The following ZMIZ1 variants were observed in gnomAD, a reference collection of about 807,000 sequenced individuals.
The protein encoded by ZMIZ1 is zinc finger MIZ domain-containing protein 1.
Under a neutral mutation model 113.9 loss-of-function variants are expected in ZMIZ1, and 17 were observed. The ratio of observed to expected loss-of-function variants is 0.15; its 90% CI spans 0.10 to 0.22. ZMIZ1 has a LOEUF of 0.22. Ranked by LOEUF, ZMIZ1 falls within the 10% of genes least tolerant of loss-of-function variation. ZMIZ1 has a pLI of 1.00. For missense variants in ZMIZ1, 1,059 were observed against 1,477.8 expected (o/e 0.72, Z 4.65); for synonymous variants, 607 against 603.1 (o/e 1.01, Z -0.09).
chr10:79,263,118 A>G (rs1157677838), intron 7 of ZMIZ1, among the ~76,000 whole-genome samples: 1 of 152,236 alleles, frequency 6.6e-6, no homozygotes, highest in Non-Finnish European at 1.5e-5. Context: ...CGTAAGTACC[A>G]CTGCATGCGC....
intron 7 of ZMIZ1, among the ~76,000 whole-genome samples, chr10:79,257,682 C>G (rs1390709563): frequency 2.0e-5 from 3 of 152,368 alleles, no homozygotes; most frequent in Non-Finnish European, 2.9e-5. Context: ...TCCCCAGGCC[C>G]CATCCTGGAG....
At chr10:79,153,551 C>T (rs1845786579) in intron 3 of ZMIZ1, among the ~76,000 whole-genome samples, 1 of 152,262 alleles carries the variant, frequency 6.6e-6, no homozygotes, top group Non-Finnish European at 1.5e-5. Context: ...AGCAGGTCCC[C>T]TGCAGACCAC....
intron 7 of ZMIZ1, among the ~76,000 whole-genome samples, chr10:79,273,415 G>T (rs1013211048): frequency 6.6e-6 from 1 of 152,112 alleles, no homozygotes; most frequent in East Asian, 1.9e-4. Flanking sequence ...AGGCTGGAGG[G>T]CAGTGACGCG....
At chr10:79,111,082 A>G (rs1843721167) in intron 1 of ZMIZ1, among the ~76,000 whole-genome samples, 1 of 152,196 alleles carries the variant, frequency 6.6e-6, no homozygotes, top group African/African-American at 2.4e-5. Context: ...GCCCCTGTGC[A>G]TAGAGCCCAT....
At chr10:79,272,303 T>C (rs773886819) in intron 7 of ZMIZ1, among the ~76,000 whole-genome samples, 4 of 151,144 alleles carry the variant, frequency 2.6e-5, no homozygotes, top group Admixed American at 6.6e-5. Flanking sequence ...AGAAAAAAAA[T>C]AGCACAATAA....
At chr10:79,133,300 C>T (rs1207145211) in intron 2 of ZMIZ1, among the ~76,000 whole-genome samples, 1 of 152,218 alleles carries the variant, frequency 6.6e-6, no homozygotes, top group Admixed American at 6.5e-5. Flanking sequence ...TGGGTTCCTG[C>T]CTCTGTACTC....
intron 4 of ZMIZ1, among the ~76,000 whole-genome samples, chr10:79,187,053 G>A (rs1847378784): frequency 6.6e-6 from 1 of 152,348 alleles, no homozygotes; most frequent in East Asian, 1.9e-4. Context: ...CAGCAGGTAG[G>A]TTGGTACTGT....
At chr10:79,085,674 G>T (rs2132204264) in intron 1 of ZMIZ1, among the ~76,000 whole-genome samples, 1 of 152,364 alleles carries the variant, frequency 6.6e-6, no homozygotes, top group Non-Finnish European at 1.5e-5. Flanking sequence ...ATTACCAGCA[G>T]CAGGCAACAG....
intron 7 of ZMIZ1, among the ~76,000 whole-genome samples, chr10:79,242,832 C>T (rs891149951): frequency 2.0e-5 from 3 of 152,090 alleles, no homozygotes; most frequent in Admixed American, 6.5e-5. Flanking sequence ...TGCTGCTCGT[C>T]GGGTCGTGCG....
intron 8 of ZMIZ1, among the ~76,000 whole-genome samples, chr10:79,288,253 G>A (rs141525891): frequency 2.0e-5 from 3 of 152,342 alleles, no homozygotes; most frequent in African/African-American, 7.2e-5. Context: ...TGCGGGTCAT[G>A]CAGCCCTCCG....
rs141151062 is a variant in ZMIZ1, at chr10:79,143,559, C to T, written c.-131+3782C>T. On this transcript the variant is annotated intron_variant, in intron 3 of 24. Transcript: ENST00000334512. ...CCTGTGTTGTGCCAAATGCAGGGCT[C>T]GAGTCAGGGTGTGCAGAGATGACAG... is the stretch of plus-strand genomic sequence containing the variant. 3.3e-4 allele frequency among the ~76,000 whole-genome samples: 50 copies of T among 152,232 alleles called. No homozygotes were observed. In the South Asian group the frequency reaches 9.3e-3, roughly 28 times the overall value.
chr10:79,119,060 C>T lies in ZMIZ1; in HGVS notation c.-227+36C>T, dbSNP rs1012939603. 4 of 152,396 alleles carry T rather than the reference C, an allele frequency of 2.6e-5. No homozygotes were observed. In the East Asian group the frequency reaches 5.7e-4, roughly 22 times the overall value. 9.4% of individuals were successfully genotyped at this position (152,396 alleles called of 1,614,324 possible). A position where few individuals can be genotyped will look rare whatever the true frequency, so the allele number is the denominator to read the frequency against. ...TGGGCTGGCCCTCTGGTGCTGTGCA[C>T]CTGCTGACGTGGGGCAGACAGGGAG... On this transcript the variant is annotated intron_variant, in intron 2 of 24. Transcript: ENST00000334512.
intron 7 of ZMIZ1, among the ~76,000 whole-genome samples, chr10:79,254,354 C>T (rs773882626): frequency 2.0e-5 from 3 of 152,252 alleles, no homozygotes; most frequent in Non-Finnish European, 4.4e-5. Context: ...CCCGCCATCC[C>T]AGGGCCCTGG....
At chr10:79,256,003 G>T (rs991778978) in intron 7 of ZMIZ1, among the ~76,000 whole-genome samples, 2 of 152,196 alleles carry the variant, frequency 1.3e-5, no homozygotes, top group Non-Finnish European at 2.9e-5. Context: ...GGGATGGGGG[G>T]AATGCGGGTG....
At chr10:79,293,856 C>T (rs956879500) in intron 12 of ZMIZ1, 1 of 781,922 alleles carries the variant, frequency 1.3e-6, no homozygotes, top group East Asian at 2.7e-5. Context: ...GCCAGTCACC[C>T]TGCCTCCTAG....
intron 1 of ZMIZ1, among the ~76,000 whole-genome samples, chr10:79,094,703 C>G (rs1046898335): frequency 2.6e-5 from 4 of 152,236 alleles, no homozygotes; most frequent in Non-Finnish European, 5.9e-5. Context: ...AATCCCTGCA[C>G]TTTGGGAGGC....
intron 18 of ZMIZ1, among the ~76,000 whole-genome samples, chr10:79,303,017 G>A (rs999574566): frequency 4.0e-5 from 6 of 151,488 alleles, no homozygotes; most frequent in South Asian, 4.2e-4. Context: ...GCCCACCACC[G>A]CACCTGGCTA....
chr10:79,289,864 G>A lies in ZMIZ1; in HGVS notation c.515G>A (p.Gly172Glu). The A allele has an allele frequency of 6.2e-7, 1 of 1,614,072 alleles. No homozygotes were observed. The highest frequency in any genetic ancestry group is 8.5e-7 in the Non-Finnish European group (1 of 1,179,926). ...GSLSVVTTVW[G>E]VTNTSQSQVL... ...CTTTCCGTGGTCACCACGGTTTGGG[G>A]AGTAACCAACACATCCCAGAGCCAG... Residue 172 changes from glycine to glutamate, a missense_variant, in exon 9 of 25, where the codon GGA becomes GAA. Gly to Glu is a moderately conservative substitution (Grantham distance 98). Transcript: ENST00000334512.
intron 1 of ZMIZ1, among the ~76,000 whole-genome samples, chr10:79,095,126 T>C (rs934891112): frequency 2.0e-5 from 3 of 152,138 alleles, no homozygotes; most frequent in Non-Finnish European, 4.4e-5. Flanking sequence ...TTGTGGGACC[T>C]TGGGCATTTG....
Sources: gnomAD v4.1 joint callset for allele counts (sites outside exome capture counted in the v4.1 genomes callset) on GRCh38, gnomAD v4.1.1 for gene constraint, MANE v1.5 for transcripts, NCBI Gene and HGNC (gene_info 2026-07-23, HGNC 2026-07-21) for gene names.